SIRPD: variants seen among roughly 807,000 people sequenced by gnomAD.
SIRPD encodes the protein signal regulatory protein delta.
Under a neutral mutation model 18.0 loss-of-function variants are expected in SIRPD, and 21 were observed. The ratio of observed to expected loss-of-function variants is 1.17; its 90% confidence interval spans 0.83 to 1.68. The LOEUF (loss-of-function observed/expected upper bound fraction) is 1.68, where lower values mean the gene tolerates loss of function less well. Among genes scored for constraint, SIRPD ranks in the 40% most tolerant of loss-of-function variants. The pLI is 0.00. For missense variants in SIRPD, 295 were observed against 238.4 expected, an observed-to-expected ratio of 1.24 and a Z score of -1.56; for synonymous variants, 106 against 92.9, an observed-to-expected ratio of 1.14 and a Z score of -0.81.
At chr20:1,552,689 C>T (rs560641735) in intron 1 of SIRPD, among the ~76,000 whole-genome samples, 1 of 152,252 alleles carries the variant, frequency 6.6e-6, no homozygotes, top group East Asian at 1.9e-4. Context: ...CCCTCCTACA[C>T]AGTCATCATC....
intron 2 of SIRPD, chr20:1,540,480 C>A: frequency 5.7e-6 from 2 of 349,868 alleles, no homozygotes; most frequent in Admixed American, 7.6e-5. Flanking sequence ...ACATTTTTAT[C>A]ATCTCAAAAA....
intron 2 of SIRPD, among the ~76,000 whole-genome samples, chr20:1,550,458 G>A (rs1402534412): frequency 6.6e-6 from 1 of 152,108 alleles, no homozygotes; most frequent in Non-Finnish European, 1.5e-5. Context: ...TATACTGAAG[G>A]TTTATATGCA....
intron 2 of SIRPD, among the ~76,000 whole-genome samples, chr20:1,545,999 C>T (rs1207797311): frequency 6.6e-6 from 1 of 152,158 alleles, no homozygotes; most frequent in Non-Finnish European, 1.5e-5. Flanking sequence ...AAGCTTCATC[C>T]CAGAGGGGCA....
chr20:1,553,296 A>AC (rs1298749241), intron 1 of SIRPD, among the ~76,000 whole-genome samples: 2 of 152,146 alleles, frequency 1.3e-5, no homozygotes, highest in African/African-American at 4.8e-5. Context: ...CTCAGACTGG[A>AC]CTGTGGTGAC....
At chr20:1,541,196 C>G (rs573910371) in intron 2 of SIRPD, among the ~76,000 whole-genome samples, 2 of 152,284 alleles carry the variant, frequency 1.3e-5, no homozygotes, top group Admixed American at 6.5e-5. Context: ...AGTTCTAGAT[C>G]CTTGAGGAAT....
At chr20:1,539,431 T>G (rs2090961190) in intron 2 of SIRPD, among the ~76,000 whole-genome samples, 1 of 152,250 alleles carries the variant, frequency 6.6e-6, no homozygotes, top group Admixed American at 6.5e-5. Context: ...CACATGGGCT[T>G]GAAAAGGAGC....
chr20:1,540,573 A>C (rs2090966725), intron 2 of SIRPD, among the ~76,000 whole-genome samples: 1 of 152,180 alleles, frequency 6.6e-6, no homozygotes, highest in Non-Finnish European at 1.5e-5. Context: ...TTCTGTCTTT[A>C]ATCTACTTTC....
chr20:1,552,303 G>C (rs2091023027), intron 1 of SIRPD, among the ~76,000 whole-genome samples: 1 of 152,088 alleles, frequency 6.6e-6, no homozygotes, highest in African/African-American at 2.4e-5. Flanking sequence ...GAGAGAGAAG[G>C]GGCAATTATC....
chr20:1,553,890 G>T (rs2091029319), intron 1 of SIRPD: 1 of 152,578 alleles, frequency 6.6e-6, no homozygotes, highest in Non-Finnish European at 1.5e-5. Flanking sequence ...ATGGTGAAGG[G>T]TTTTAAAGAT....
rs1483451952 is a variant in SIRPD at position 1,551,810 on chromosome 20, G to A, written c.302C>T (p.Ser101Phe). 1 of 1,614,088 alleles carries A rather than the reference G, an allele frequency of 6.2e-7. No homozygotes were observed. Among genetic ancestry groups the A allele is most frequent in the South Asian group, 1.1e-5 (1 of 91,086 alleles). ...DTTKPGNTDF[S>F]TRIREISLAD... ...AAGAGAGATTTCACGGATGCGGGTG[G>A]AAAAGTCTGTGTTGCCAGGCTTGGT... is the stretch of plus-strand genomic sequence containing the variant. Residue 101 changes from serine to phenylalanine, a missense_variant, in exon 2 of 4, where the codon TCC becomes TTC. Ser to Phe is a radical substitution (Grantham distance 155). Transcript: ENST00000381623.
chr20:1,538,756 C>CATTAT (rs1168927382), intron 2 of SIRPD, among the ~76,000 whole-genome samples: 1 of 152,162 alleles, frequency 6.6e-6, no homozygotes, highest in Non-Finnish European at 1.5e-5. Flanking sequence ...AGCCAATATC[C>CATTAT]ATTATCAATC....
chr20:1,535,609 A>C (rs533412628), intron 3 of SIRPD, among the ~76,000 whole-genome samples: 1 of 152,312 alleles, frequency 6.6e-6, no homozygotes, highest in Admixed American at 6.5e-5. Flanking sequence ...CCCCACCAGC[A>C]AGAAAGCTCT....
intron 1 of SIRPD, among the ~76,000 whole-genome samples, chr20:1,554,574 G>A (rs184958897): frequency 2.0e-5 from 3 of 152,258 alleles, no homozygotes; most frequent in Admixed American, 6.5e-5. Flanking sequence ...ATAAATATAT[G>A]AGTATATTTT....
chr20:1,549,426 T>C (rs189281892), intron 2 of SIRPD, among the ~76,000 whole-genome samples: 3 of 152,040 alleles, frequency 2.0e-5, no homozygotes, highest in South Asian at 2.1e-4. Flanking sequence ...TTCTATTGCA[T>C]GTCTCACTTT....
intron 2 of SIRPD, among the ~76,000 whole-genome samples, chr20:1,550,508 A>C (rs2091014113): frequency 6.6e-6 from 1 of 152,228 alleles, no homozygotes; most frequent in Non-Finnish European, 1.5e-5. Context: ...AGAGAATTTC[A>C]GAGAGCCACA....
intron 2 of SIRPD, among the ~76,000 whole-genome samples, chr20:1,539,587 T>G (rs2263657): frequency 0.86 from 130,726 of 152,244 alleles, 56,389 homozygotes; most frequent in Middle Eastern, 0.96. Context: ...CCTTTGAGAT[T>G]ATCTCCAGCT....
In SIRPD at chr20:1,556,986, C is replaced by T. The variant is rs539872054; in HGVS notation, c.73+595G>A. ...ATCTGCCAGGGGCCAGGTGTGGTGG[C>T]TCACGCCTATAATGCGAGCACTTTG... On this transcript the variant is annotated intron_variant, in intron 1 of 3. Transcript: ENST00000381623. Among the ~76,000 whole-genome samples the T allele has an allele frequency of 1.5e-4, 23 of 152,310 alleles. No homozygotes were observed. In the East Asian group the frequency reaches 4.3e-3, roughly 28 times the overall value.
chr20:1,539,415 A>C (rs183091186), intron 2 of SIRPD, among the ~76,000 whole-genome samples: 1 of 152,228 alleles, frequency 6.6e-6, no homozygotes, highest in Admixed American at 6.5e-5. Context: ...ATTTTAGTTA[A>C]TATCTCACAT....
intron 2 of SIRPD, among the ~76,000 whole-genome samples, chr20:1,539,867 G>A (rs543048458): frequency 2.0e-5 from 3 of 152,162 alleles, no homozygotes; most frequent in Non-Finnish European, 4.4e-5. Context: ...ATGGGAGTGA[G>A]CTTGAAGTGG....
Sources: gnomAD v4.1 joint callset for allele counts (sites outside exome capture counted in the v4.1 genomes callset) on GRCh38, gnomAD v4.1.1 for gene constraint, MANE v1.5 for transcripts, NCBI Gene and HGNC (gene_info 2026-07-23, HGNC 2026-07-21) for gene names.